AGPAT4: variants seen among roughly 807,000 people sequenced by gnomAD.
AGPAT4 encodes the protein 1-acyl-sn-glycerol-3-phosphate acyltransferase delta.
In AGPAT4, 15 loss-of-function variants were observed where a neutral mutation model predicts 48.0. That is an observed-to-expected ratio of 0.31 (90% CI 0.21 to 0.48). The LOEUF (loss-of-function observed/expected upper bound fraction) is 0.48. AGPAT4 is among the 20% of genes least tolerant of loss of function. AGPAT4 has a pLI of 0.99. For synonymous variants in AGPAT4, 178 were observed against 198.7 expected (o/e 0.90, Z 0.88); for missense variants, 314 against 482.5 (o/e 0.65, Z 3.27).
At position 161,165,882 on chromosome 6, in the gene AGPAT4, G is replaced by T; in HGVS notation, c.348+366C>A. ...AGCATGGAATTAAGAAATATGGATGGGAGTGAAATCCAAATCTAATTACAG... is the reference window on the plus strand; with the variant it reads ...AGCATGGAATTAAGAAATATGGATGTGAGTGAAATCCAAATCTAATTACAG... On this transcript the variant is annotated intron_variant, in intron 3 of 8. Transcript: ENST00000320285. The surrounding 1 kb of genome is among the most constrained non-coding windows in gnomAD (Gnocchi z 5.5). The T allele has an allele frequency of 1.7e-6, 1 of 595,168 alleles. No homozygotes were observed. Among genetic ancestry groups the T allele is most frequent in the East Asian group, 2.9e-5 (1 of 34,818 alleles). The allele number at this position is 595,168 out of a possible 1,614,324, so 36.9% of individuals were successfully genotyped here. A position where few individuals can be genotyped will look rare whatever the true frequency, so the allele number is the denominator to read the frequency against.
Position 161,222,207 on chromosome 6 carries a change from G to A in AGPAT4, c.178+9829C>T, listed in dbSNP as rs1781855369. ...CAATAAAAGGTGCTGATGAATTTCA[G>A]CACATTTGATTTCACAATGGGCTCA... On this transcript the variant is annotated intron_variant, in intron 2 of 8. Transcript: ENST00000320285. The surrounding 1 kb of genome is among the most constrained non-coding windows in gnomAD (Gnocchi z 5.9). Among the ~76,000 whole-genome samples the A allele has an allele frequency of 6.6e-6, 1 of 152,164 alleles. No homozygotes were observed. Among genetic ancestry groups the A allele is most frequent in the South Asian group, 2.1e-4 (1 of 4,824 alleles).
In AGPAT4 at chr6:161,141,208, G is replaced by A. The variant is rs554237797; in HGVS notation, c.844-1588C>T. Among the ~76,000 whole-genome samples the A allele has an allele frequency of 4.6e-5, 7 of 151,968 alleles. No homozygotes were observed. The highest frequency in any genetic ancestry group is 2.1e-4 in the South Asian group (1 of 4,814). On this transcript the variant is annotated intron_variant, in intron 7 of 8. Transcript: ENST00000320285. The surrounding 1 kb of genome is among the most constrained non-coding windows in gnomAD (Gnocchi z 6.7). ...GTTCAGGTGCCTCTGCTCTGTCCTC[G>A]GCCCCCTGCAGCCCATTAACAAGCC...
intron 1 of AGPAT4, among the ~76,000 whole-genome samples, chr6:161,273,028 G>A (rs1016693676): frequency 1.3e-5 from 2 of 152,100 alleles, no homozygotes; most frequent in Non-Finnish European, 2.9e-5. Context: ...GGCAAACCTG[G>A]GCAGGCAATA....
In AGPAT4 at chr6:161,244,468, A is replaced by C. The variant is rs1222352335; in HGVS notation, c.-89-12166T>G. ...AAATGTTGGCAGTTTCCTTAAGCTT[A>C]TTTCATCATTTAGTATTTTCATGTT... On this transcript the variant is annotated intron_variant, in intron 1 of 8. Coordinates refer to ENST00000320285, the MANE Select transcript of AGPAT4 (RefSeq NM_020133.3). This position sits in a 1 kb window ranked among gnomAD's most constrained non-coding sequence, Gnocchi z 4.7. 6.6e-6 allele frequency among the ~76,000 whole-genome samples: 1 copy of C among 152,178 alleles called. No individual in the cohort carries two copies. The highest frequency in any genetic ancestry group is 1.5e-5 in the Non-Finnish European group (1 of 68,030).
In AGPAT4 at chr6:161,161,382, G is replaced by C. The variant is rs1307060703; in HGVS notation, c.348+4866C>G. 1 of 456,610 alleles carries C rather than the reference G, an allele frequency of 2.2e-6. No individual in the cohort carries two copies. The highest frequency in any genetic ancestry group is 4.4e-6 in the Non-Finnish European group (1 of 226,986). 28.3% of individuals were successfully genotyped at this position (456,610 alleles called of 1,614,324 possible). A position where few individuals can be genotyped will look rare whatever the true frequency, so the allele number is the denominator to read the frequency against. On this transcript the variant is annotated intron_variant, in intron 3 of 8. Transcript: ENST00000320285. This position sits in a 1 kb window ranked among gnomAD's most constrained non-coding sequence, Gnocchi z 4.6. ...CTACCTCGGTCGTCACCATTATCGG[G>C]TTCCTCATCCATGTGATTCCAGATC...
rs1335403042 is a variant in AGPAT4, at chr6:161,166,018, T to C, written c.348+230A>G. 1.3e-5 allele frequency: 8 copies of C among 628,180 alleles called. No individual in the cohort carries two copies. The highest frequency in any genetic ancestry group is 5.5e-5 in the East Asian group (2 of 36,456). The allele number at this position is 628,180 out of a possible 1,614,324, so 38.9% of individuals were successfully genotyped here. ...GTAAGGATTAAATAAATGAATCATA[T>C]GTAAAATGGCCGGCAGGTAGCAATT... is the stretch of plus-strand genomic sequence containing the variant. On this transcript the variant is annotated intron_variant, in intron 3 of 8. Coordinates refer to ENST00000320285, the MANE Select transcript of AGPAT4 (RefSeq NM_020133.3). This position sits in a 1 kb window ranked among gnomAD's most constrained non-coding sequence, Gnocchi z 6.7.
chr6:161,153,570 T>A (rs1162784204), intron 4 of AGPAT4, 71 bp from the exon 5 acceptor site: 3 of 1,541,564 alleles, frequency 1.9e-6, no homozygotes, highest in African/African-American at 2.8e-5. Flanking sequence ...TGCATGGCCC[T>A]GGGGTCACAC....
In AGPAT4 at chr6:161,137,390, A is replaced by G. The variant is rs969012362; in HGVS notation, c.1043-756T>C. On this transcript the variant is annotated intron_variant, in intron 8 of 8. Transcript: ENST00000320285. This position sits in a 1 kb window ranked among gnomAD's most constrained non-coding sequence, Gnocchi z 6.1. ...TAAGAATGGATAGACGAATAAGTGAATGAAATCCCCCAAATCATGATGCAC... is the reference window on the plus strand; with the variant it reads ...TAAGAATGGATAGACGAATAAGTGAGTGAAATCCCCCAAATCATGATGCAC... Among the ~76,000 whole-genome samples the G allele has an allele frequency of 6.6e-5, 10 of 152,208 alleles. No individual in the cohort carries two copies. Among genetic ancestry groups the G allele is most frequent in the African/African-American group, 2.4e-4 (10 of 41,450 alleles).
rs185851199 is a variant in AGPAT4, at chr6:161,167,477, G to A, written c.179-1060C>T. Among the ~76,000 whole-genome samples, 576 of 152,280 alleles carry A rather than the reference G, an allele frequency of 3.8e-3. 1 individual carries two copies. Among genetic ancestry groups the A allele is most frequent in the Non-Finnish European group, 6.4e-3 (435 of 68,020 alleles). ...GGGTTCAAGCAATCCTCCTACCTCAGCCTCCTAAAGTGCTGGGATTACAGG... is the reference window on the plus strand; with the variant it reads ...GGGTTCAAGCAATCCTCCTACCTCAACCTCCTAAAGTGCTGGGATTACAGG... On this transcript the variant is annotated intron_variant, in intron 2 of 8. Transcript: ENST00000320285.
At position 161,144,515 on chromosome 6, in the gene AGPAT4, C is replaced by T. The variant is rs1054344920; in HGVS notation, c.843+2009G>A. 6.6e-6 allele frequency among the ~76,000 whole-genome samples: 1 copy of T among 152,110 alleles called. No homozygotes were observed. The highest frequency in any genetic ancestry group is 1.5e-5 in the Non-Finnish European group (1 of 68,014). On this transcript the variant is annotated intron_variant, in intron 7 of 8. Coordinates refer to ENST00000320285, the MANE Select transcript of AGPAT4 (RefSeq NM_020133.3). The surrounding 1 kb of genome is among the most constrained non-coding windows in gnomAD (Gnocchi z 6.6). ...GATGTGCCTCTCAGCTTGGTTTACACGATGACCACACTCTGCCTGAATACA... is the reference window on the plus strand; with the variant it reads ...GATGTGCCTCTCAGCTTGGTTTACATGATGACCACACTCTGCCTGAATACA...
At position 161,164,437 on chromosome 6, in the gene AGPAT4, C is replaced by T. The variant is rs556997293; in HGVS notation, c.348+1811G>A. On this transcript the variant is annotated intron_variant, in intron 3 of 8. Coordinates refer to ENST00000320285, the MANE Select transcript of AGPAT4 (RefSeq NM_020133.3). This position sits in a 1 kb window ranked among gnomAD's most constrained non-coding sequence, Gnocchi z 7.4. ...CCTCGAATGAGGCCTTTGCACATCA[C>T]GAGCCAGGAAGGTATTAGAAGCCTG... 1.3e-5 allele frequency among the ~76,000 whole-genome samples: 2 copies of T among 152,302 alleles called. No homozygotes were observed. Among genetic ancestry groups the T allele is most frequent in the South Asian group, 2.1e-4 (1 of 4,826 alleles).
chr6:161,200,997 G>A lies in AGPAT4; in HGVS notation c.178+31039C>T, dbSNP rs1399200066. Among the ~76,000 whole-genome samples, 4 of 152,202 alleles carry A rather than the reference G, an allele frequency of 2.6e-5. No homozygotes were observed. Among genetic ancestry groups the A allele is most frequent in the Non-Finnish European group, 2.9e-5 (2 of 68,038 alleles). On this transcript the variant is annotated intron_variant, in intron 2 of 8. Transcript: ENST00000320285. The surrounding 1 kb of genome is among the most constrained non-coding windows in gnomAD (Gnocchi z 5.5). ...GTGATCCTTTCCATCAGAGCAACAG[G>A]CAGAACGACAGCTTCCTGCAAATGC...
chr6:161,237,577 C>T (rs1194965551), intron 1 of AGPAT4, among the ~76,000 whole-genome samples: 2 of 152,148 alleles, frequency 1.3e-5, no homozygotes, highest in Non-Finnish European at 2.9e-5. Flanking sequence ...TATTAGAATA[C>T]ACTGAGTGGG....
Position 161,138,779 on chromosome 6 carries a change from T to C in AGPAT4, c.1042+643A>G, listed in dbSNP as rs1030502188. 2.0e-5 allele frequency among the ~76,000 whole-genome samples: 3 copies of C among 151,930 alleles called. No individual in the cohort carries two copies. Among genetic ancestry groups the C allele is most frequent in the Non-Finnish European group, 2.9e-5 (2 of 67,962 alleles). On this transcript the variant is annotated intron_variant, in intron 8 of 8. Coordinates refer to ENST00000320285, the MANE Select transcript of AGPAT4 (RefSeq NM_020133.3). This position sits in a 1 kb window ranked among gnomAD's most constrained non-coding sequence, Gnocchi z 4.8. ...GGCCTTTCACAGGGAAACCCCAAAG[T>C]CTTCCTTGGCTCCAGGAAGCACGGA...
Position 161,231,417 on chromosome 6 carries a change from G to A in AGPAT4, c.178+619C>T. 6.6e-6 allele frequency among the ~76,000 whole-genome samples: 1 copy of A among 152,104 alleles called. No individual in the cohort carries two copies. Among genetic ancestry groups the A allele is most frequent in the East Asian group, 1.9e-4 (1 of 5,186 alleles). On this transcript the variant is annotated intron_variant, in intron 2 of 8. Coordinates refer to ENST00000320285, the MANE Select transcript of AGPAT4 (RefSeq NM_020133.3). The surrounding 1 kb of genome is among the most constrained non-coding windows in gnomAD (Gnocchi z 5.3). ...TGTACTTAAAAGTGGAGAAATAGGA[G>A]TAGGGTTGTGGATTGTATCAATGTC...
chr6:161,165,015 C>T lies in AGPAT4; in HGVS notation c.348+1233G>A, dbSNP rs1780052374. ...GATGCACCGGCTCCCCATACCCTTC[C>T]TCCTGGGCAGGAGAAGAACCCTGCC... On this transcript the variant is annotated intron_variant, in intron 3 of 8. Transcript: ENST00000320285. The surrounding 1 kb of genome is among the most constrained non-coding windows in gnomAD (Gnocchi z 5.5). 6.6e-6 allele frequency among the ~76,000 whole-genome samples: 1 copy of T among 152,162 alleles called. No individual in the cohort carries two copies.
intron 4 of AGPAT4, among the ~76,000 whole-genome samples, chr6:161,153,823 GGGGTCACACATAGCCCCA>G (rs1358578525): frequency 1.4e-5 from 2 of 145,766 alleles, no homozygotes; most frequent in African/African-American, 5.1e-5. Context: ...ACACAGCCCT[GGGGTCACACATAGCCCCA>G]GGGTCACATA....
Position 161,139,227 on chromosome 6 carries a change from C to T in AGPAT4, c.1042+195G>A, listed in dbSNP as rs1464530652. On this transcript the variant is annotated intron_variant, in intron 8 of 8. Coordinates refer to ENST00000320285, the MANE Select transcript of AGPAT4 (RefSeq NM_020133.3). The surrounding 1 kb of genome is among the most constrained non-coding windows in gnomAD (Gnocchi z 9.1). ...GTGGGAGGCTGGACCGTCCAGGCTG[C>T]GGAGGGGGTCCCAGGCCTGGTATTC... 1.3e-5 allele frequency among the ~76,000 whole-genome samples: 2 copies of T among 152,192 alleles called. No individual in the cohort carries two copies. Among genetic ancestry groups the T allele is most frequent in the African/African-American group, 4.8e-5 (2 of 41,458 alleles).
At position 161,220,679 on chromosome 6, in the gene AGPAT4, C is replaced by T. The variant is rs576136615; in HGVS notation, c.178+11357G>A. 3.3e-5 allele frequency among the ~76,000 whole-genome samples: 5 copies of T among 152,302 alleles called. No homozygotes were observed. In the East Asian group the frequency reaches 9.6e-4, roughly 29 times the overall value. ...GTGTCCCTCTCCTATTGCCCTTCTG[C>T]CTTTCTCTATGTTTGAAGGACAGTT... On this transcript the variant is annotated intron_variant, in intron 2 of 8. Coordinates refer to ENST00000320285, the MANE Select transcript of AGPAT4 (RefSeq NM_020133.3). The surrounding 1 kb of genome is among the most constrained non-coding windows in gnomAD (Gnocchi z 6.0).
Sources: gnomAD v4.1 joint callset for allele counts (sites outside exome capture counted in the v4.1 genomes callset) on GRCh38, gnomAD v4.1.1 for gene constraint, Gnocchi (gnomAD v3.1) non-coding constraint, MANE v1.5 for transcripts, NCBI Gene and HGNC (gene_info 2026-07-23, HGNC 2026-07-21) for gene names.